The following NHSL2 variants were observed in gnomAD, a reference collection of about 807,000 sequenced individuals.
NHSL2 encodes the protein NHS-like protein 2.
In NHSL2, 27 loss-of-function variants were observed where a neutral mutation model predicts 53.4. The ratio of observed to expected loss-of-function variants is 0.51; its 90% CI spans 0.37 to 0.70. The LOEUF is 0.70. Among genes scored for constraint, NHSL2 ranks in the 30% least tolerant of loss-of-function variants. The pLI, the probability that NHSL2 is intolerant of heterozygous loss-of-function variation, is 0.00. For synonymous variants in NHSL2, 408 were observed against 404.1 expected, an observed-to-expected ratio of 1.01 and a Z score of -0.12; for missense variants, 892 against 980.1, an observed-to-expected ratio of 0.91 and a Z score of 1.20.
chrX:71,946,779 A>G (rs747024226), intron 1 of NHSL2, among the ~76,000 whole-genome samples: 4 of 112,318 alleles, frequency 3.6e-5, no homozygotes, highest in Non-Finnish European at 7.5e-5. Context: ...CAGCTTATAT[A>G]GAAGAGTATG....
chrX:72,069,839 G>A (rs948848976), intron 1 of NHSL2: 14 of 441,946 alleles, frequency 3.2e-5, no homozygotes, highest in Non-Finnish European at 4.3e-5. Flanking sequence ...GACCCTTGGC[G>A]TGACTTGCAG....
chrX:71,950,780 G>A (rs1434858850), intron 1 of NHSL2, among the ~76,000 whole-genome samples: 1 of 111,470 alleles, frequency 9.0e-6, no homozygotes, highest in African/African-American at 3.3e-5. Context: ...GAACCAACTA[G>A]CCATTTCTGT....
intron 1 of NHSL2, among the ~76,000 whole-genome samples, chrX:72,018,712 G>GCCCTCCTCCCCCGCCCC (rs2042146438): frequency 8.9e-6 from 1 of 111,878 alleles, no homozygotes; most frequent in Non-Finnish European, 1.9e-5. Flanking sequence ...GCCCCCGCCC[G>GCCCTCCTCCCCCGCCCC]CCCTCCTCCC....
rs2042475181 is a variant in NHSL2 at position 72,147,731 on chromosome X, C to G, written c.*4157C>G. 9.0e-6 allele frequency: 1 copy of G among 111,654 alleles called. No individual in the cohort carries two copies. The allele number at this position is 111,654 out of a possible 1,213,427, so 9.2% of individuals were successfully genotyped here. A position where few individuals can be genotyped will look rare whatever the true frequency, so the allele number is the denominator to read the frequency against. On this transcript the variant is annotated 3_prime_UTR_variant, in exon 8 of 8. Coordinates refer to ENST00000633930, the MANE Select transcript of NHSL2 (RefSeq NM_001013627.3). The stretch of plus-strand genomic sequence containing the variant: ...CTCCATTCTCCTAAACCTTGCTTCC[C>G]AGCACCAACTCTCTTCAGTGCCTCC...
In NHSL2 at chrX:71,941,026, G is replaced by A. The variant is rs761591106; in HGVS notation, c.280+29659G>A. ...ATGGAGTAAGAAAGGTGCGGATGTC[G>A]GTAAGGGAGTAGTTAAAATGATTGA... On this transcript the variant is annotated intron_variant, in intron 1 of 7. Transcript: ENST00000633930. 1.3e-4 allele frequency among the ~76,000 whole-genome samples: 14 copies of A among 111,577 alleles called. No homozygotes were observed. In the South Asian group the frequency reaches 5.3e-3, roughly 42 times the overall value.
intron 1 of NHSL2, among the ~76,000 whole-genome samples, chrX:71,945,898 C>G (rs767069409): frequency 5.4e-5 from 6 of 112,097 alleles, no homozygotes; most frequent in Non-Finnish European, 1.1e-4. Flanking sequence ...ACACACTTTA[C>G]CTTTGGGGAA....
intron 1 of NHSL2, among the ~76,000 whole-genome samples, chrX:72,059,713 G>A (rs1435237812): frequency 7.1e-5 from 8 of 111,956 alleles, no homozygotes; most frequent in African/African-American, 9.8e-5. Flanking sequence ...GGGAGTGAAA[G>A]GGGATTGCAT....
At chrX:71,985,569 G>A (rs1441209775) in intron 1 of NHSL2, among the ~76,000 whole-genome samples, 1 of 112,459 alleles carries the variant, frequency 8.9e-6, no homozygotes, top group East Asian at 2.8e-4. Context: ...AAACAAATAT[G>A]CTCCAAGTTT....
At chrX:71,917,681 A>G (rs1449538565) in intron 1 of NHSL2, among the ~76,000 whole-genome samples, 2 of 111,151 alleles carry the variant, frequency 1.8e-5, no homozygotes, top group Non-Finnish European at 3.8e-5. Context: ...CGAAGCTTCC[A>G]GGAAGATGTG....
chrX:72,058,469 C>G (rs1033061427), intron 1 of NHSL2, among the ~76,000 whole-genome samples: 2 of 111,674 alleles, frequency 1.8e-5, no homozygotes, highest in African/African-American at 6.5e-5. Context: ...CTCAGCGTCC[C>G]GAGTAGCTGG....
Position 72,139,570 on chromosome X carries a change from G to C in NHSL2, c.2022G>C (p.Glu674Asp). ...GCACCCAAGTTCAGGGCAGCTCAGAGTCTCTTGCCTCACCTTCCACCTCCA... is the reference window on the plus strand; with the variant it reads ...GCACCCAAGTTCAGGGCAGCTCAGACTCTCTTGCCTCACCTTCCACCTCCA... ...IECTQVQGSS[E>D]SLASPSTSRA... Residue 674 changes from glutamate to aspartate, a missense_variant, in exon 6 of 8, where the codon GAG becomes GAC. Physicochemically the swap from Glu to Asp is conservative, Grantham distance 45. Transcript: ENST00000633930. 4 of 1,211,038 alleles carry C rather than the reference G, an allele frequency of 3.3e-6. No homozygotes were observed. The highest frequency in any genetic ancestry group is 4.5e-6 in the Non-Finnish European group (4 of 895,011).
chrX:72,016,595 C>T (rs2042136800), intron 1 of NHSL2, among the ~76,000 whole-genome samples: 1 of 111,209 alleles, frequency 9.0e-6, no homozygotes, highest in Non-Finnish European at 1.9e-5. Context: ...TTTTCTCCTT[C>T]AGAAAGACCA....
intron 1 of NHSL2, among the ~76,000 whole-genome samples, chrX:72,031,401 C>T (rs1311148174): frequency 8.9e-6 from 1 of 111,856 alleles, no homozygotes; most frequent in African/African-American, 3.3e-5. Context: ...AATTGTAGTA[C>T]CTACCTTACA....
At chrX:72,007,155 G>A (rs73561870) in intron 1 of NHSL2, among the ~76,000 whole-genome samples, 3,851 of 112,274 alleles carry the variant, frequency 0.034, 157 homozygotes, top group African/African-American at 0.12. Context: ...AGGGAGCAGC[G>A]TGGAGAAGAG....
intron 1 of NHSL2, among the ~76,000 whole-genome samples, chrX:72,086,114 G>C (rs1189694180): frequency 8.9e-6 from 1 of 111,875 alleles, no homozygotes; most frequent in Non-Finnish European, 1.9e-5. Flanking sequence ...GGAACCAACA[G>C]TTGTTTTGTG....
At chrX:71,911,506 TC>T in intron 1 of NHSL2, 139 bp downstream of exon 1, 1 of 526,178 alleles carries the variant, frequency 1.9e-6, no homozygotes, top group Non-Finnish European at 2.7e-6. Context: ...AGTGAGGGGA[TC>T]CCATTTCCCC....
Position 72,031,504 on chromosome X carries a change from G to A in NHSL2, c.281-100575G>A, listed in dbSNP as rs1268804527. 2.7e-5 allele frequency among the ~76,000 whole-genome samples: 3 copies of A among 112,282 alleles called. No individual in the cohort carries two copies. In the Admixed American group the frequency reaches 2.8e-4, roughly 11 times the overall value. ...TATTAGCTTTAATTAGGAATTATTA[G>A]CTTCAATTAAGAATTATTAACAACT... On this transcript the variant is annotated intron_variant, in intron 1 of 7. Transcript: ENST00000633930.
intron 1 of NHSL2, among the ~76,000 whole-genome samples, chrX:71,997,713 A>G (rs957927297): frequency 9.0e-6 from 1 of 111,265 alleles, no homozygotes; most frequent in Non-Finnish European, 1.9e-5. Context: ...TAATCACAGG[A>G]TCTACATCTT....
intron 6 of NHSL2, among the ~76,000 whole-genome samples, chrX:72,141,822 A>G (rs763766711): frequency 6.5e-4 from 73 of 112,158 alleles, no homozygotes; most frequent in African/African-American, 2.3e-3. Flanking sequence ...TCAAAGCCCC[A>G]GGTAGTTGTA....
Sources: allele counts gnomAD v4.1 joint callset (sites outside exome capture counted in the v4.1 genomes callset), GRCh38; gene constraint gnomAD v4.1.1; transcripts MANE v1.5; gene names NCBI Gene and HGNC (gene_info 2026-07-23, HGNC 2026-07-21).